PTPN13: variants seen among roughly 807,000 people sequenced by gnomAD.
PTPN13 encodes tyrosine-protein phosphatase non-receptor type 13.
In PTPN13, 191 loss-of-function variants were observed where a neutral mutation model predicts 284.0. The ratio of observed to expected loss-of-function variants is 0.67; its 90% CI spans 0.60 to 0.76. The LOEUF (loss-of-function observed/expected upper bound fraction) is 0.76, where lower values mean the gene tolerates loss of function less well. PTPN13 is among the 30% of genes least tolerant of loss of function. The pLI is 0.00. For missense variants in PTPN13, 2,797 were observed against 2,939.9 expected (o/e 0.95, Z 1.12); for synonymous variants, 986 against 1,022.3 (o/e 0.96, Z 0.68).
chr4:86,792,512 A>G (rs1027914448), intron 40 of PTPN13, among the ~76,000 whole-genome samples: 7 of 152,218 alleles, frequency 4.6e-5, no homozygotes, highest in African/African-American at 1.7e-4. Flanking sequence ...AGAGAACACC[A>G]CAAAGATACT....
chr4:86,662,933 T>G (rs1420227191), intron 2 of PTPN13, among the ~76,000 whole-genome samples: 1 of 152,186 alleles, frequency 6.6e-6, no homozygotes, highest in Non-Finnish European at 1.5e-5. Context: ...GAGGATTGCT[T>G]GAGCCCAGAA....
chr4:86,723,867 G>T (rs914205596), intron 10 of PTPN13, among the ~76,000 whole-genome samples: 1 of 151,902 alleles, frequency 6.6e-6, no homozygotes, highest in Non-Finnish European at 1.5e-5. Flanking sequence ...TTTTAGTTCT[G>T]CACTAAGAAA....
At chr4:86,597,741 G>C (rs888923122) in intron 1 of PTPN13, among the ~76,000 whole-genome samples, 3 of 152,194 alleles carry the variant, frequency 2.0e-5, no homozygotes, top group Admixed American at 6.5e-5. Context: ...TAAGGCAGTA[G>C]GTGGGCCATT....
At chr4:86,741,993 GT>G (rs1736220472) in intron 16 of PTPN13, among the ~76,000 whole-genome samples, 177 bp downstream of exon 16, 1 of 152,084 alleles carries the variant, frequency 6.6e-6, no homozygotes, top group East Asian at 1.9e-4. Context: ...TTTATGTCTG[GT>G]TTTTTCAACA....
chr4:86,672,056 A>G (rs2148892253), intron 2 of PTPN13, among the ~76,000 whole-genome samples: 1 of 152,356 alleles, frequency 6.6e-6, no homozygotes, highest in Admixed American at 6.5e-5. Flanking sequence ...TCACGTTGAT[A>G]AAACATTTGA....
chr4:86,595,117 A>G (rs1763509996), intron 1 of PTPN13, among the ~76,000 whole-genome samples: 1 of 152,074 alleles, frequency 6.6e-6, no homozygotes, highest in Non-Finnish European at 1.5e-5. Flanking sequence ...ATAGGGAGTG[A>G]CATTGCCCCG....
intron 42 of PTPN13, among the ~76,000 whole-genome samples, chr4:86,802,586 G>A (rs1744157368): frequency 6.6e-6 from 1 of 152,296 alleles, no homozygotes; most frequent in South Asian, 2.1e-4. Flanking sequence ...AAAGCTGGGT[G>A]TGGGAGTGTG....
At chr4:86,742,128 A>G (rs987258678) in intron 16 of PTPN13, among the ~76,000 whole-genome samples, 1 of 152,218 alleles carries the variant, frequency 6.6e-6, no homozygotes, top group African/African-American at 2.4e-5. Flanking sequence ...AACTTCTCAC[A>G]TGGAGAAATC....
At chr4:86,778,953 C>T (rs1326780575) in intron 35 of PTPN13, among the ~76,000 whole-genome samples, 1 of 150,618 alleles carries the variant, frequency 6.6e-6, no homozygotes, top group Non-Finnish European at 1.5e-5. Flanking sequence ...ATATCAACTG[C>T]CAGCCTGGAG....
intron 3 of PTPN13, among the ~76,000 whole-genome samples, chr4:86,674,610 T>G (rs1228761875): frequency 6.6e-6 from 1 of 152,200 alleles, no homozygotes; most frequent in Non-Finnish European, 1.5e-5. Flanking sequence ...CATGAGCTAC[T>G]TAAGAATTTT....
intron 40 of PTPN13, among the ~76,000 whole-genome samples, chr4:86,786,260 A>T (rs1405428995): frequency 6.6e-6 from 1 of 152,228 alleles, no homozygotes; most frequent in East Asian, 1.9e-4. Context: ...AGCATGAAAT[A>T]GTAGATAAAT....
rs374300989 is a variant in PTPN13 at position 86,614,331 on chromosome 4, A to G, written c.-6+19542A>G. Reference sequence around the variant, plus strand: ...ATGAATTGTTTTTACTAAAACTGTAATATTGCAATTTTATTTGCACACAAA... The same window carrying G: ...ATGAATTGTTTTTACTAAAACTGTAGTATTGCAATTTTATTTGCACACAAA... On this transcript the variant is annotated intron_variant, in intron 1 of 47. Transcript: ENST00000411767. Among the ~76,000 whole-genome samples the G allele has an allele frequency of 5.9e-5, 9 of 152,292 alleles. No individual in the cohort carries two copies. In the East Asian group the frequency reaches 1.5e-3, roughly 26 times the overall value.
chr4:86,720,536 A>G (rs1199771663), intron 9 of PTPN13, among the ~76,000 whole-genome samples: 1 of 152,094 alleles, frequency 6.6e-6, no homozygotes, highest in Admixed American at 6.6e-5. Context: ...AAGTTGCTAA[A>G]CTCTATTTCT....
intron 2 of PTPN13, among the ~76,000 whole-genome samples, chr4:86,669,467 A>G (rs979751214): frequency 2.6e-5 from 4 of 152,100 alleles, no homozygotes; most frequent in Non-Finnish European, 2.9e-5. Flanking sequence ...TTATATGTCC[A>G]TTAAAAACAA....
intron 47 of PTPN13, among the ~76,000 whole-genome samples, chr4:86,811,533 T>C (rs2149395142): frequency 6.6e-6 from 1 of 152,352 alleles, no homozygotes; most frequent in South Asian, 2.1e-4. Flanking sequence ...CAAGGCAGGC[T>C]GGAGTTGCTT....
chr4:86,791,756 C>G (rs572416053), intron 40 of PTPN13, among the ~76,000 whole-genome samples: 5 of 152,304 alleles, frequency 3.3e-5, no homozygotes, highest in African/African-American at 1.2e-4. Flanking sequence ...AACAGACCTG[C>G]AGCTGAGGGG....
intron 16 of PTPN13, among the ~76,000 whole-genome samples, chr4:86,742,626 A>G (rs1010720155): frequency 2.6e-5 from 4 of 152,142 alleles, no homozygotes; most frequent in Non-Finnish European, 4.4e-5. Context: ...CCTAATGGTT[A>G]GTTGATTGGC....
chr4:86,752,636 GA>G (rs1400042065), intron 19 of PTPN13, among the ~76,000 whole-genome samples: 1 of 152,042 alleles, frequency 6.6e-6, no homozygotes, highest in Non-Finnish European at 1.5e-5. Flanking sequence ...ATACTCTATA[GA>G]AAACATAAAA....
At chr4:86,787,426 C>G (rs1428219282) in intron 40 of PTPN13, among the ~76,000 whole-genome samples, 1 of 151,712 alleles carries the variant, frequency 6.6e-6, no homozygotes, top group East Asian at 1.9e-4. Flanking sequence ...AACCCCGTCT[C>G]TACTAAAAAT....
Sources: allele counts gnomAD v4.1 joint callset (sites outside exome capture counted in the v4.1 genomes callset), GRCh38; gene constraint gnomAD v4.1.1; transcripts MANE v1.5; gene names NCBI Gene and HGNC (gene_info 2026-07-23, HGNC 2026-07-21).